The following SP100 variants were observed in gnomAD, a reference collection of about 807,000 sequenced individuals.
The protein encoded by SP100 is SP100 nuclear body protein, also known as nuclear autoantigen Sp-100.
SP100 carries 84 observed loss-of-function variants against 130.0 expected under a neutral mutation model. The observed-to-expected ratio is 0.65, with a 90% CI of 0.54 to 0.77. The LOEUF (loss-of-function observed/expected upper bound fraction) is 0.77, where lower values mean the gene tolerates loss of function less well. SP100 is among the 30% of genes least tolerant of loss of function. The pLI is 0.00. For synonymous variants in SP100, 331 were observed against 351.7 expected, an observed-to-expected ratio of 0.94 and a Z score of 0.66; for missense variants, 978 against 1,052.2, an observed-to-expected ratio of 0.93 and a Z score of 0.97.
rs756972289 is a variant in SP100 at position 230,446,857 on chromosome 2, G to A, written c.478G>A (p.Glu160Lys). 1 of 1,612,344 alleles carries A rather than the reference G, an allele frequency of 6.2e-7. No individual in the cohort carries two copies. The highest frequency in any genetic ancestry group is 8.5e-7 in the Non-Finnish European group (1 of 1,178,648). ...ATTGCCTCTCCAAGAAAGTGAAGAA[G>A]AAGAGAGGGAGGAGAGGTCTGGCCT... is the stretch of plus-strand genomic sequence containing the variant. Reference protein sequence around the residue: ...DKLPLQESEEEEREERSGLQL... With the variant: ...DKLPLQESEEKEREERSGLQL... The change falls in exon 5 of 29, where the codon GAA becomes AAA. Residue 160 changes from glutamate (E) to lysine (K), a missense_variant. Transcript: ENST00000340126.
At chr2:230,423,629 C>A (rs985450800) in intron 2 of SP100, among the ~76,000 whole-genome samples, 10 of 152,172 alleles carry the variant, frequency 6.6e-5, no homozygotes, top group African/African-American at 2.4e-4. Context: ...TTCTTATTTT[C>A]TAATAAATGC....
At chr2:230,462,746 A>T (rs1330919746) in intron 10 of SP100, 10 of 501,510 alleles carry the variant, frequency 2.0e-5, no homozygotes, top group Non-Finnish European at 3.6e-5. Flanking sequence ...GGATTCTATT[A>T]ATCAATATTC....
Position 230,449,579 on chromosome 2 carries a change from A to G in SP100, c.605A>G (p.Asn202Ser), listed in dbSNP as rs2063871398. The change falls in exon 7 of 29, where the codon AAT becomes AGT. Residue 202 changes from asparagine (N) to serine (S), a missense_variant. Physicochemically the swap from Asn to Ser is conservative, Grantham distance 46 (BLOSUM62 1). Coordinates refer to ENST00000340126, the MANE Select transcript of SP100 (RefSeq NM_001080391.2). ...GGTTTAGGTACAACCCCACCTGAAA[A>G]TGGACTCTCAGAGCACCCCTGTGAA... ...PSHAGTTPPE[N>S]GLSEHPCETE... 6.2e-7 allele frequency: 1 copy of G among 1,614,044 alleles called. No individual in the cohort carries two copies. The highest frequency in any genetic ancestry group is 8.5e-7 in the Non-Finnish European group (1 of 1,180,016).
chr2:230,468,841 A>AT, intron 13 of SP100: 2 of 316,014 alleles, frequency 6.3e-6, no homozygotes, highest in East Asian at 5.5e-5. Context: ...AAAAAAAAAA[A>AT]GTCATTGATT....
At chr2:230,469,440 G>A in intron 14 of SP100, 1 of 478,600 alleles carries the variant, frequency 2.1e-6, no homozygotes. Flanking sequence ...AAGAAACTGA[G>A]ATGGAAGCAG....
At chr2:230,538,528 G>A (rs1692039846) in intron 24 of SP100, 2 of 152,162 alleles carry the variant, frequency 1.3e-5, no homozygotes, top group African/African-American at 4.8e-5. Flanking sequence ...CATTGAAAGG[G>A]AACACATGGG....
chr2:230,469,023 G>A lies in SP100; in HGVS notation c.1292-20G>A, dbSNP rs1470574334. 2.7e-6 allele frequency: 4 copies of A among 1,494,844 alleles called. No homozygotes were observed. Among genetic ancestry groups the A allele is most frequent in the Non-Finnish European group, 1.8e-6 (2 of 1,083,412 alleles). The allele number at this position is 1,494,844 out of a possible 1,614,324, so 92.6% of individuals were successfully genotyped here. ...TCTTTTAGTTAGATATTATTGATTT[G>A]GTTTTCCTTTACTTTCTAGCTCCTA... is the stretch of plus-strand genomic sequence containing the variant. On this transcript the variant is annotated intron_variant, in intron 13 of 28. Coordinates refer to ENST00000340126, the MANE Select transcript of SP100 (RefSeq NM_001080391.2).
At chr2:230,491,738 C>T (rs1265215288) in intron 17 of SP100, among the ~76,000 whole-genome samples, 1 of 152,242 alleles carries the variant, frequency 6.6e-6, no homozygotes, top group Non-Finnish European at 1.5e-5. Context: ...CCTCCCCCAA[C>T]ACACAAGGAT....
At chr2:230,515,128 G>T (rs147556942) in intron 24 of SP100, 2 of 1,612,866 alleles carry the variant, frequency 1.2e-6, no homozygotes, top group Non-Finnish European at 1.7e-6. Flanking sequence ...AGATGCTTCA[G>T]TCAAGTTCTC....
chr2:230,537,311 A>G (rs1277319831), intron 24 of SP100, among the ~76,000 whole-genome samples: 1 of 152,172 alleles, frequency 6.6e-6, no homozygotes, highest in Non-Finnish European at 1.5e-5. Context: ...TTGAGAGGGG[A>G]TAGAAAAGAA....
At chr2:230,504,886 T>A (rs1028077067) in intron 21 of SP100, among the ~76,000 whole-genome samples, 1 of 152,216 alleles carries the variant, frequency 6.6e-6, no homozygotes. Context: ...TTTAACAAGA[T>A]TTCTTTGGAT....
intron 2 of SP100, among the ~76,000 whole-genome samples, chr2:230,419,534 C>T (rs1240804278): frequency 1.3e-5 from 2 of 152,028 alleles, no homozygotes; most frequent in African/African-American, 2.4e-5. Context: ...AAAGAGAAGC[C>T]GTCAAGGGCT....
At chr2:230,466,011 C>G (rs186168784) in intron 11 of SP100, among the ~76,000 whole-genome samples, 1 of 151,836 alleles carries the variant, frequency 6.6e-6, no homozygotes, top group African/African-American at 2.4e-5. Flanking sequence ...ACAGTGAAAC[C>G]CCGTCTTTAC....
Position 230,453,991 on chromosome 2 carries a change from T to C in SP100, c.820+3736T>C, listed in dbSNP as rs553372320. On this transcript the variant is annotated intron_variant, in intron 8 of 28. Transcript: ENST00000340126. The stretch of plus-strand genomic sequence containing the variant: ...CTTACTCATTATTGGTCTGTTCAGA[T>C]TTTCCTGTTTCTTTGTTATTCAGTC... 1.3e-4 allele frequency among the ~76,000 whole-genome samples: 20 copies of C among 152,242 alleles called. No individual in the cohort carries two copies. The South Asian group carries it at 3.7e-3, about 28-fold the overall frequency.
At position 230,539,264 on chromosome 2, in the gene SP100, T is replaced by C. The variant is rs1575821870; in HGVS notation, c.2095-3T>C. ...CCGGTGATGTCTACATCTCCCCTTC[T>C]AGCCGGAAAACTCAAATATATGTGA... is the stretch of plus-strand genomic sequence containing the variant. On this transcript the variant is annotated splice_region_variant and splice_polypyrimidine_tract_variant and intron_variant, in intron 24 of 28. Transcript: ENST00000340126. 1 of 1,609,008 alleles carries C rather than the reference T, an allele frequency of 6.2e-7. No homozygotes were observed. Among genetic ancestry groups the C allele is most frequent in the Non-Finnish European group, 8.5e-7 (1 of 1,175,384 alleles).
At position 230,417,602 on chromosome 2, in the gene SP100, A is replaced by G. The variant is rs771693470; in HGVS notation, c.44A>G (p.Glu15Gly). ...AATTGTCTTTCTAGGAGGCTGAATG[A>G]ATGTATTTCACCAGTAGCAAATGAG... Reference protein sequence around the residue: ...GGDLSTRRLNECISPVANEMN... With the variant: ...GGDLSTRRLNGCISPVANEMN... Residue 15 changes from glutamate (E) to glycine (G), a missense_variant, in exon 2 of 29, where the codon GAA (glutamate) becomes GGA (glycine). Transcript: ENST00000340126. 2 of 1,612,630 alleles carry G rather than the reference A, an allele frequency of 1.2e-6. No individual in the cohort carries two copies. Among genetic ancestry groups the G allele is most frequent in the South Asian group, 2.2e-5 (2 of 90,732 alleles).
intron 17 of SP100, among the ~76,000 whole-genome samples, chr2:230,487,123 C>T (rs1396846643): frequency 1.3e-5 from 2 of 152,132 alleles, no homozygotes; most frequent in Non-Finnish European, 2.9e-5. Flanking sequence ...CTGTAGGTTG[C>T]CTGTTCATTC....
At chr2:230,541,808 G>A (rs774594587) in intron 27 of SP100, 84 bp from the exon 28 acceptor site, 19 of 1,445,574 alleles carry the variant, frequency 1.3e-5, no homozygotes, top group Non-Finnish European at 1.8e-5. Flanking sequence ...TATGGATTGG[G>A]GGAACTCCAC....
intron 2 of SP100, among the ~76,000 whole-genome samples, chr2:230,431,226 T>A (rs1210490752): frequency 6.6e-6 from 1 of 152,188 alleles, no homozygotes. Flanking sequence ...CAAACCCAGG[T>A]GGTCCAGCCC....
Sources: gnomAD v4.1 joint callset for allele counts (sites outside exome capture counted in the v4.1 genomes callset) on GRCh38, gnomAD v4.1.1 for gene constraint, MANE v1.5 for transcripts, NCBI Gene and HGNC (gene_info 2026-07-23, HGNC 2026-07-21) for gene names.